Variants in CLIC4 observed in about 807,000 individuals in gnomAD.
The protein encoded by CLIC4 is chloride intracellular channel protein 4.
Under a neutral mutation model 24.6 loss-of-function variants are expected in CLIC4, and 13 were observed. The observed-to-expected ratio is 0.53, with a 90% CI of 0.34 to 0.84. The LOEUF (loss-of-function observed/expected upper bound fraction) is 0.84, where lower values mean the gene tolerates loss of function less well. CLIC4 is among the 40% of genes least tolerant of loss of function. CLIC4 has a pLI of 0.01. For synonymous variants in CLIC4, 104 were observed against 111.3 expected (o/e 0.93, Z 0.41); for missense variants, 227 against 301.7 (o/e 0.75, Z 1.83).
intron 5 of CLIC4, 43 bp from the exon 6 acceptor site, chr1:24,840,730 C>A: frequency 6.7e-7 from 1 of 1,500,488 alleles, no homozygotes; most frequent in Non-Finnish European, 9.1e-7. Flanking sequence ...GTTTACAAGA[C>A]GTGGAAATAA....
At chr1:24,827,545 T>G (rs1021684119) in intron 4 of CLIC4, among the ~76,000 whole-genome samples, 4 of 107,742 alleles carry the variant, frequency 3.7e-5, no homozygotes, top group African/African-American at 5.8e-5. Flanking sequence ...GTCTGAGGTT[T>G]TTTTTTTTTT....
At chr1:24,763,567 A>G (rs929227366) in intron 1 of CLIC4, among the ~76,000 whole-genome samples, 11 of 151,564 alleles carry the variant, frequency 7.3e-5, no homozygotes, top group Admixed American at 2.0e-4. Flanking sequence ...ATTAAGTTCA[A>G]ATCTATAGTC....
intron 1 of CLIC4, among the ~76,000 whole-genome samples, chr1:24,790,723 A>G (rs1044670681): frequency 2.0e-5 from 3 of 152,162 alleles, no homozygotes; most frequent in Non-Finnish European, 4.4e-5. Flanking sequence ...GGGGCTTGGC[A>G]GGGTTTGGAG....
intron 1 of CLIC4, among the ~76,000 whole-genome samples, chr1:24,754,378 G>A (rs1200122465): frequency 6.6e-6 from 1 of 152,202 alleles, no homozygotes; most frequent in African/African-American, 2.4e-5. Flanking sequence ...AGTAAGGATG[G>A]TGAGCCATCC....
intron 1 of CLIC4, among the ~76,000 whole-genome samples, chr1:24,745,893 G>T (rs1467374178): frequency 6.6e-6 from 1 of 151,116 alleles, no homozygotes; most frequent in African/African-American, 2.4e-5. Context: ...AGCGTCCCGC[G>T]CCCGGGTGGG....
chr1:24,749,735 A>C (rs1638750655), intron 1 of CLIC4, among the ~76,000 whole-genome samples: 1 of 152,088 alleles, frequency 6.6e-6, no homozygotes, highest in Non-Finnish European at 1.5e-5. Context: ...AGGAGGATGA[A>C]TCTTTTGAGC....
At chr1:24,781,087 C>CAA (rs1228000908) in intron 1 of CLIC4, among the ~76,000 whole-genome samples, 8 of 61,928 alleles carry the variant, frequency 1.3e-4, no homozygotes, top group Middle Eastern at 0.014. Context: ...AACTCCATCT[C>CAA]AAAAAAAAAA....
chr1:24,824,070 G>T (rs554428104), intron 3 of CLIC4, among the ~76,000 whole-genome samples: 1 of 152,142 alleles, frequency 6.6e-6, no homozygotes, highest in Non-Finnish European at 1.5e-5. Flanking sequence ...GAAAACCATT[G>T]CTTGATCAAG....
chr1:24,769,075 A>T (rs1363166092), intron 1 of CLIC4, among the ~76,000 whole-genome samples: 2 of 151,372 alleles, frequency 1.3e-5, no homozygotes, highest in Non-Finnish European at 2.9e-5. Context: ...GTAGTGAGCC[A>T]CTCTGATTGC....
chr1:24,758,936 A>C (rs1638886440), intron 1 of CLIC4, among the ~76,000 whole-genome samples: 1 of 152,160 alleles, frequency 6.6e-6, no homozygotes, highest in Non-Finnish European at 1.5e-5. Context: ...ACATGTATTG[A>C]ATTAAGTGAG....
At chr1:24,821,650 C>T (rs1285490939) in intron 3 of CLIC4, among the ~76,000 whole-genome samples, 1 of 152,164 alleles carries the variant, frequency 6.6e-6, no homozygotes, top group African/African-American at 2.4e-5. Context: ...ACCTCCCAGG[C>T]TCATAATCCT....
chr1:24,808,109 G>A (rs1446283017), intron 2 of CLIC4, among the ~76,000 whole-genome samples: 1 of 152,122 alleles, frequency 6.6e-6, no homozygotes, highest in Non-Finnish European at 1.5e-5. Context: ...ACTATGCCTG[G>A]CTAATTTTGT....
intron 1 of CLIC4, among the ~76,000 whole-genome samples, chr1:24,750,412 G>GTTTC (rs545712230): frequency 0.023 from 3,500 of 149,724 alleles, 56 homozygotes; most frequent in African/African-American, 0.039. Context: ...TGTAATCTGG[G>GTTTC]TTTCTTTCTT....
intron 1 of CLIC4, among the ~76,000 whole-genome samples, chr1:24,760,580 T>C (rs999678700): frequency 4.6e-5 from 7 of 152,096 alleles, no homozygotes; most frequent in African/African-American, 1.7e-4. Flanking sequence ...TTTGCTGATA[T>C]TTCCTTCACT....
chr1:24,758,680 A>G (rs1176035352), intron 1 of CLIC4, among the ~76,000 whole-genome samples: 1 of 150,880 alleles, frequency 6.6e-6, no homozygotes, highest in Non-Finnish European at 1.5e-5. Context: ...CTGATCTCGA[A>G]CTCCTGACCT....
chr1:24,823,693 G>C (rs912266611), intron 3 of CLIC4, among the ~76,000 whole-genome samples: 1 of 145,380 alleles, frequency 6.9e-6, no homozygotes, highest in African/African-American at 2.5e-5. Flanking sequence ...AGAATCGCTT[G>C]AAACCGGAAG....
chr1:24,749,227 T>G (rs537778043), intron 1 of CLIC4, among the ~76,000 whole-genome samples: 2 of 135,260 alleles, frequency 1.5e-5, no homozygotes, highest in African/African-American at 5.5e-5. Flanking sequence ...AAATAAAAAT[T>G]AAAAAAAAAA....
chr1:24,785,293 T>A (rs1639254222), intron 1 of CLIC4, among the ~76,000 whole-genome samples: 1 of 152,172 alleles, frequency 6.6e-6, no homozygotes, highest in Admixed American at 6.5e-5. Flanking sequence ...AGTAACATTT[T>A]AAAAACTCTT....
At chr1:24,766,644 C>T (rs1405484248) in intron 1 of CLIC4, among the ~76,000 whole-genome samples, 2 of 151,262 alleles carry the variant, frequency 1.3e-5, no homozygotes, top group Non-Finnish European at 2.9e-5. Context: ...GCTGGGACTA[C>T]AGACATGTGC....
Sources: gnomAD v4.1 joint callset for allele counts (sites outside exome capture counted in the v4.1 genomes callset) on GRCh38, gnomAD v4.1.1 for gene constraint, MANE v1.5 for transcripts, NCBI Gene and HGNC (gene_info 2026-07-23, HGNC 2026-07-21) for gene names.